ABTB3: variants seen among roughly 807,000 people sequenced by gnomAD.
The protein encoded by ABTB3 is ankyrin repeat and BTB domain containing 3.
chr12:107,642,951 C>T, the ABTB3 span, among the ~76,000 whole-genome samples: 88 of 152,234 alleles, frequency 5.8e-4, 1 homozygote, highest in African/African-American at 2.0e-3. Context: ...TCTGCAACAA[C>T]GTTCTTGCAG....
chr12:107,447,437 T>C, the ABTB3 span, among the ~76,000 whole-genome samples: 1 of 152,164 alleles, frequency 6.6e-6, no homozygotes, highest in Admixed American at 6.5e-5. Flanking sequence ...CTACCTTGCC[T>C]GGCTGATTGA....
the ABTB3 span, chr12:107,520,660 C>A: frequency 6.2e-7 from 1 of 1,612,786 alleles, no homozygotes; most frequent in Non-Finnish European, 8.5e-7. Flanking sequence ...GGTTCTCCAG[C>A]TCTCATGCCT....
the ABTB3 span, among the ~76,000 whole-genome samples, chr12:107,455,000 T>C: frequency 2.0e-5 from 3 of 152,290 alleles, no homozygotes; most frequent in South Asian, 6.2e-4. Flanking sequence ...AACTGAGGCT[T>C]AGCAAGATCA....
chr12:107,548,934 G>A, the ABTB3 span, among the ~76,000 whole-genome samples: 1 of 152,156 alleles, frequency 6.6e-6, no homozygotes. Context: ...TGTTGCCTCA[G>A]GTAGCTAGCT....
chr12:107,447,357 G>T, the ABTB3 span, among the ~76,000 whole-genome samples: 3 of 152,292 alleles, frequency 2.0e-5, no homozygotes, highest in South Asian at 6.2e-4. Context: ...GGTCAGGCTA[G>T]TCTCAAACTC....
At chr12:107,458,422 C>A in the ABTB3 span, among the ~76,000 whole-genome samples, 952 of 152,240 alleles carry the variant, frequency 6.3e-3, 29 homozygotes, top group East Asian at 0.048. Flanking sequence ...AGGACTGGAG[C>A]CAGAACAGCA....
the ABTB3 span, among the ~76,000 whole-genome samples, chr12:107,438,797 G>C: frequency 1.3e-5 from 2 of 152,160 alleles, no homozygotes; most frequent in Admixed American, 1.3e-4. Context: ...CAATTATGCT[G>C]ATGGAAAAAA....
the ABTB3 span, among the ~76,000 whole-genome samples, chr12:107,594,441 A>T: frequency 6.6e-6 from 1 of 152,198 alleles, no homozygotes; most frequent in Non-Finnish European, 1.5e-5. Context: ...CAGTAGCAGC[A>T]TTAAACAGCA....
the ABTB3 span, among the ~76,000 whole-genome samples, chr12:107,373,188 A>C: frequency 6.6e-6 from 1 of 152,200 alleles, no homozygotes; most frequent in African/African-American, 2.4e-5. Flanking sequence ...AGAATGAATG[A>C]ACTCCGCATT....
chr12:107,587,641 GAT>G, the ABTB3 span, among the ~76,000 whole-genome samples: 4 of 152,182 alleles, frequency 2.6e-5, no homozygotes, highest in Non-Finnish European at 5.9e-5. Flanking sequence ...TGATAAATTT[GAT>G]GTTATGTCTA....
the ABTB3 span, among the ~76,000 whole-genome samples, chr12:107,341,688 T>C: frequency 2.0e-5 from 3 of 152,166 alleles, no homozygotes; most frequent in Non-Finnish European, 4.4e-5. Flanking sequence ...CCTGAGGAGC[T>C]GGTATAGTTT....
At chr12:107,467,960 G>GC in the ABTB3 span, among the ~76,000 whole-genome samples, 457 of 152,008 alleles carry the variant, frequency 3.0e-3, 3 homozygotes, top group South Asian at 6.9e-3. Flanking sequence ...ACCAGAAGAG[G>GC]CCCCCCTCTC....
chr12:107,659,073 G>C, the ABTB3 span: 2 of 152,264 alleles, frequency 1.3e-5, no homozygotes, highest in South Asian at 4.1e-4. Flanking sequence ...GATACATGCA[G>C]TAAAAACTAG....
the ABTB3 span, among the ~76,000 whole-genome samples, chr12:107,453,117 G>A: frequency 6.6e-6 from 1 of 152,110 alleles, no homozygotes. Flanking sequence ...AGGCAGGAAC[G>A]AGCTTACGGT....
the ABTB3 span, among the ~76,000 whole-genome samples, chr12:107,341,826 C>A: frequency 1.3e-5 from 2 of 152,102 alleles, no homozygotes; most frequent in African/African-American, 4.8e-5. Flanking sequence ...CTCATGAGAT[C>A]TGGCCTTTTA....
the ABTB3 span, chr12:107,319,203 C>G: frequency 6.3e-7 from 1 of 1,591,508 alleles, no homozygotes; most frequent in South Asian, 1.1e-5. Context: ...CAGCACTGCT[C>G]GCGGCTGCTG....
At chr12:107,575,747 G>A in the ABTB3 span, among the ~76,000 whole-genome samples, 1 of 151,890 alleles carries the variant, frequency 6.6e-6, no homozygotes, top group East Asian at 1.9e-4. Context: ...AAAGACCCTT[G>A]TGATTGCATT....
chr12:107,445,196 G>C, the ABTB3 span, among the ~76,000 whole-genome samples: 3 of 152,194 alleles, frequency 2.0e-5, no homozygotes, highest in Non-Finnish European at 2.9e-5. Flanking sequence ...TACTAGCTCT[G>C]GCTGTCAACC....
the ABTB3 span, among the ~76,000 whole-genome samples, chr12:107,464,021 C>T: frequency 6.6e-6 from 1 of 152,150 alleles, no homozygotes; most frequent in Admixed American, 6.5e-5. Flanking sequence ...GCCTGGTCAG[C>T]CCAGGGAGGA....
Sources: gnomAD v4.1 joint callset for allele counts (sites outside exome capture counted in the v4.1 genomes callset) on GRCh38, gnomAD v4.1.1 for gene constraint, MANE v1.5 for transcripts, NCBI Gene and HGNC (gene_info 2026-07-23, HGNC 2026-07-21) for gene names.